Variants in SH3BGRL2 observed in about 807,000 individuals in gnomAD.
The protein encoded by SH3BGRL2 is SH3 domain-binding glutamic acid-rich-like protein 2.
A neutral mutation model predicts 14.8 loss-of-function variants in SH3BGRL2; 21 were observed. The ratio of observed to expected loss-of-function variants is 1.42; its 90% CI spans 1.01 to 2.05. The LOEUF is 2.05. Ranked by LOEUF, SH3BGRL2 falls within the 30% of genes most tolerant of loss-of-function variation. The pLI, the probability that SH3BGRL2 is intolerant of heterozygous loss-of-function variation, is 0.00. For synonymous variants in SH3BGRL2, 50 were observed against 47.8 expected (o/e 1.05, Z -0.19); for missense variants, 147 against 130.8 (o/e 1.12, Z -0.61).
chr6:79,696,834 G>T (rs1429423411), intron 3 of SH3BGRL2, among the ~76,000 whole-genome samples: 1 of 151,812 alleles, frequency 6.6e-6, no homozygotes, highest in East Asian at 1.9e-4. Context: ...AGAATTTAAG[G>T]TAGCAAAAAC....
chr6:79,562,998 C>T, the SH3BGRL2 span, among the ~76,000 whole-genome samples: 1 of 152,188 alleles, frequency 6.6e-6, no homozygotes, highest in Admixed American at 6.5e-5. Context: ...CTCTGTCACC[C>T]AGGCTGGAGT....
the SH3BGRL2 span, among the ~76,000 whole-genome samples, chr6:79,604,819 T>G: frequency 6.6e-6 from 1 of 152,198 alleles, no homozygotes; most frequent in African/African-American, 2.4e-5. Flanking sequence ...CTGAGATGAC[T>G]AGACCCTGGA....
the SH3BGRL2 span, among the ~76,000 whole-genome samples, chr6:79,564,154 A>C: frequency 6.6e-6 from 1 of 152,054 alleles, no homozygotes; most frequent in Admixed American, 6.6e-5. Flanking sequence ...GGTATCTTGG[A>C]AAACAAAAAA....
the SH3BGRL2 span, among the ~76,000 whole-genome samples, chr6:79,582,881 A>G: frequency 6.6e-6 from 1 of 152,168 alleles, no homozygotes; most frequent in East Asian, 1.9e-4. Flanking sequence ...TTTGCAATCT[A>G]CCCATCTGAC....
chr6:79,691,291 C>A (rs537518856), intron 2 of SH3BGRL2, among the ~76,000 whole-genome samples: 1 of 152,088 alleles, frequency 6.6e-6, no homozygotes, highest in South Asian at 2.1e-4. Context: ...AGGATTTAAG[C>A]AGAGGGTGAG....
intron 1 of SH3BGRL2, among the ~76,000 whole-genome samples, chr6:79,634,556 C>T (rs1018467649): frequency 2.6e-5 from 4 of 152,022 alleles, no homozygotes; most frequent in East Asian, 3.9e-4. Context: ...CATTGAAATC[C>T]GTCAATTATT....
At chr6:79,686,475 A>G (rs1770091805) in intron 2 of SH3BGRL2, among the ~76,000 whole-genome samples, 1 of 151,638 alleles carries the variant, frequency 6.6e-6, no homozygotes, top group Non-Finnish European at 1.5e-5. Context: ...GGCATTCGTA[A>G]CTTTTATCTT....
chr6:79,681,678 T>C (rs1165128290), intron 2 of SH3BGRL2, among the ~76,000 whole-genome samples: 1 of 152,218 alleles, frequency 6.6e-6, no homozygotes, highest in Non-Finnish European at 1.5e-5. Context: ...ACAGTTGCAG[T>C]TGATCTCAAG....
chr6:79,572,278 A>G, the SH3BGRL2 span, among the ~76,000 whole-genome samples: 1 of 152,172 alleles, frequency 6.6e-6, no homozygotes, highest in African/African-American at 2.4e-5. Context: ...CACATATGAT[A>G]TCTTCGTGCA....
Position 79,673,612 on chromosome 6 carries a change from A to C in SH3BGRL2, c.46-2A>C. 1 of 1,613,590 alleles carries C rather than the reference A, an allele frequency of 6.2e-7. No homozygotes were observed. The highest frequency in any genetic ancestry group is 1.7e-5 in the Admixed American group (1 of 59,934). ...ACTTATTTGTTTGTCTTCTCTCTTT[A>C]GATAAAGAAGAAGCAGCAAGATGTG... On this transcript the variant is annotated splice_acceptor_variant, in intron 1 of 3. Coordinates refer to ENST00000369838, the MANE Select transcript of SH3BGRL2 (RefSeq NM_031469.4). LOFTEE classifies it high-confidence loss of function.
chr6:79,592,326 A>G, the SH3BGRL2 span, among the ~76,000 whole-genome samples: 1 of 152,228 alleles, frequency 6.6e-6, no homozygotes, highest in Admixed American at 6.5e-5. Flanking sequence ...AGGCCTCACT[A>G]ATATAAGGAT....
chr6:79,604,527 C>T, the SH3BGRL2 span, among the ~76,000 whole-genome samples: 2 of 152,184 alleles, frequency 1.3e-5, no homozygotes, highest in Non-Finnish European at 2.9e-5. Flanking sequence ...ATGATGATCC[C>T]TTGCCAGAAG....
chr6:79,644,614 G>A (rs1031279415), intron 1 of SH3BGRL2, among the ~76,000 whole-genome samples: 5 of 152,098 alleles, frequency 3.3e-5, no homozygotes, highest in Non-Finnish European at 5.9e-5. Flanking sequence ...TAGACTCCAG[G>A]GGCAGGAAGA....
At position 79,673,648 on chromosome 6, in the gene SH3BGRL2, T is replaced by C. The variant is rs755990311; in HGVS notation, c.80T>C (p.Leu27Pro). 13 of 1,614,038 alleles carry C rather than the reference T, an allele frequency of 8.1e-6. No homozygotes were observed. In the South Asian group the frequency reaches 1.4e-4, roughly 18 times the overall value. Reference protein sequence around the residue: ...KKKQQDVVRFLEANKIEFEEV... With the variant: ...KKKQQDVVRFPEANKIEFEEV... ...AAGCAGCAAGATGTGGTTAGATTTC[T>C]GGAAGCCAACAAGATAGAGTTTGAG... Residue 27 changes from leucine to proline, a missense_variant, in exon 2 of 4, where the codon CTG (leucine) becomes CCG (proline). Physicochemically the swap from Leu to Pro is moderately conservative, Grantham distance 98. Coordinates refer to ENST00000369838, the MANE Select transcript of SH3BGRL2 (RefSeq NM_031469.4).
chr6:79,544,838 G>C, the SH3BGRL2 span, among the ~76,000 whole-genome samples: 22 of 152,204 alleles, frequency 1.4e-4, no homozygotes, highest in East Asian at 1.9e-4. Flanking sequence ...AGCTACTTTA[G>C]GGATGATTTT....
the SH3BGRL2 span, among the ~76,000 whole-genome samples, chr6:79,589,476 A>G: frequency 1.3e-5 from 2 of 152,138 alleles, no homozygotes; most frequent in African/African-American, 2.4e-5. Flanking sequence ...CAATCATTCT[A>G]TAGTACCAAT....
At chr6:79,657,556 T>C (rs1025808877) in intron 1 of SH3BGRL2, among the ~76,000 whole-genome samples, 16 of 152,186 alleles carry the variant, frequency 1.1e-4, no homozygotes, top group Admixed American at 6.5e-4. Context: ...AACTTAAACA[T>C]AGTTTTGAGA....
At chr6:79,672,698 G>A (rs1769798176) in intron 1 of SH3BGRL2, among the ~76,000 whole-genome samples, 1 of 152,126 alleles carries the variant, frequency 6.6e-6, no homozygotes, top group South Asian at 2.1e-4. Flanking sequence ...ATCCCCCATG[G>A]ATAAGGAGAG....
chr6:79,650,079 G>A (rs541267696), intron 1 of SH3BGRL2, among the ~76,000 whole-genome samples: 1 of 151,562 alleles, frequency 6.6e-6, no homozygotes, highest in Non-Finnish European at 1.5e-5. Flanking sequence ...ATGGAATGGA[G>A]AATTATATGG....
Sources: gnomAD v4.1 joint callset for allele counts (sites outside exome capture counted in the v4.1 genomes callset) on GRCh38, gnomAD v4.1.1 for gene constraint, MANE v1.5 for transcripts, NCBI Gene and HGNC (gene_info 2026-07-23, HGNC 2026-07-21) for gene names.